Variants in SPIDR observed in about 807,000 individuals in gnomAD.
SPIDR encodes scaffold protein involved in DNA repair, also known as DNA repair-scaffolding protein.
A neutral mutation model predicts 104.6 loss-of-function variants in SPIDR; 93 were observed. That is an observed-to-expected ratio of 0.89 (90% CI 0.75 to 1.06). The LOEUF (loss-of-function observed/expected upper bound fraction) is 1.06. SPIDR is among the 50% of genes least tolerant of loss of function. The probability of loss-of-function intolerance (pLI) is 0.00; values close to 1 mark genes in which losing one functional copy is unlikely to be tolerated. For synonymous variants in SPIDR, 431 were observed against 416.9 expected (o/e 1.03, Z -0.41); for missense variants, 1,154 against 1,111.2 (o/e 1.04, Z -0.55).
intron 11 of SPIDR, among the ~76,000 whole-genome samples, chr8:47,690,420 G>A (rs1194744969): frequency 6.6e-6 from 1 of 150,860 alleles, no homozygotes; most frequent in Non-Finnish European, 1.5e-5. Flanking sequence ...TGAGTCAAGA[G>A]TTGATTAGGA....
At chr8:47,435,493 C>T (rs534748370) in intron 7 of SPIDR, among the ~76,000 whole-genome samples, 1 of 152,316 alleles carries the variant, frequency 6.6e-6, no homozygotes, top group East Asian at 1.9e-4. Flanking sequence ...TATGTTTCAT[C>T]TGCTAGGCAT....
At chr8:47,712,290 A>G (rs1376389865) in intron 14 of SPIDR, among the ~76,000 whole-genome samples, 1 of 152,266 alleles carries the variant, frequency 6.6e-6, no homozygotes, top group Non-Finnish European at 1.5e-5. Context: ...CAGGAAACTT[A>G]CAACTGGCTG....
intron 10 of SPIDR, among the ~76,000 whole-genome samples, chr8:47,663,420 C>T (rs1007600699): frequency 2.0e-5 from 3 of 152,224 alleles, no homozygotes; most frequent in Admixed American, 1.3e-4. Flanking sequence ...AGGGCCTATC[C>T]AGGAGGCAGT....
At chr8:47,710,055 T>G (rs1047621499) in intron 14 of SPIDR, among the ~76,000 whole-genome samples, 2 of 152,010 alleles carry the variant, frequency 1.3e-5, no homozygotes, top group African/African-American at 4.8e-5. Context: ...TTTTTATATT[T>G]TTAGTAGAGA....
At chr8:47,599,316 T>C in intron 10 of SPIDR, 120 bp downstream of exon 10, 1 of 1,363,390 alleles carries the variant, frequency 7.3e-7, no homozygotes, top group Non-Finnish European at 9.8e-7. Context: ...ACGTGAGCTG[T>C]TTTTGTTTTT....
At position 47,728,939 on chromosome 8, in the gene SPIDR, C is replaced by A; in HGVS notation, c.2442C>A (p.Ala814=). 1 of 1,609,676 alleles carries A rather than the reference C, an allele frequency of 6.2e-7. No homozygotes were observed. The change falls in exon 18 of 20, where the codon GCC becomes GCA. Residue 814 remains alanine (A), a synonymous_variant. Transcript: ENST00000297423. ...TTGGCTTTTCATATACCAGAGGCGC[C>A]TTTTCCTGTGGGGACTGCTCCCGGG... ...RLEQRPEDRG[A]FSCGDCSRVV...
intron 5 of SPIDR, among the ~76,000 whole-genome samples, chr8:47,330,028 A>C (rs1554603543): frequency 6.6e-6 from 1 of 152,230 alleles, no homozygotes; most frequent in Non-Finnish European, 1.5e-5. Flanking sequence ...ACTGACACCC[A>C]GATTTTTCAT....
intron 8 of SPIDR, among the ~76,000 whole-genome samples, chr8:47,501,236 C>T (rs1210783484): frequency 7.2e-5 from 11 of 152,092 alleles, no homozygotes; most frequent in African/African-American, 2.2e-4. Flanking sequence ...CCTTGGGCAT[C>T]ATGGCCATTT....
At chr8:47,326,635 T>G (rs2047708319) in intron 5 of SPIDR, among the ~76,000 whole-genome samples, 1 of 152,250 alleles carries the variant, frequency 6.6e-6, no homozygotes, top group African/African-American at 2.4e-5. Flanking sequence ...ATCTCAGTCC[T>G]TGGTAACACC....
At chr8:47,703,409 T>C (rs965929443) in intron 14 of SPIDR, among the ~76,000 whole-genome samples, 1 of 152,216 alleles carries the variant, frequency 6.6e-6, no homozygotes, top group Non-Finnish European at 1.5e-5. Flanking sequence ...ATCACAAGCA[T>C]GTTAAATCAA....
At chr8:47,676,129 A>G (rs1008460476) in intron 11 of SPIDR, among the ~76,000 whole-genome samples, 1 of 152,218 alleles carries the variant, frequency 6.6e-6, no homozygotes, top group Admixed American at 6.5e-5. Flanking sequence ...ATTCTTCTTT[A>G]TAGCCATACA....
In SPIDR at chr8:47,427,911, T is replaced by C. The variant is rs138261048; in HGVS notation, c.878-12412T>C. Among the ~76,000 whole-genome samples the C allele has an allele frequency of 4.2e-3, 634 of 152,158 alleles. 5 individuals are homozygous for C. Among genetic ancestry groups the C allele is most frequent in the African/African-American group, 0.014 (600 of 41,530 alleles). ...GAAGAATGAAAGTTGGGGTCGGCGA[T>C]TTCTTTTTTCTTTTTTTCTTTTTGT... On this transcript the variant is annotated intron_variant, in intron 7 of 19. Coordinates refer to ENST00000297423, the MANE Select transcript of SPIDR (RefSeq NM_001080394.4).
At chr8:47,277,427 G>A (rs1010225463) in intron 1 of SPIDR, among the ~76,000 whole-genome samples, 3 of 151,686 alleles carry the variant, frequency 2.0e-5, no homozygotes, top group South Asian at 4.1e-4. Context: ...GAACTGTGGC[G>A]TGATTATAGC....
intron 8 of SPIDR, among the ~76,000 whole-genome samples, chr8:47,585,582 A>G (rs2060173735): frequency 6.6e-6 from 1 of 152,138 alleles, no homozygotes; most frequent in Non-Finnish European, 1.5e-5. Context: ...ATAACAGAAT[A>G]CCTGAAACTG....
intron 8 of SPIDR, among the ~76,000 whole-genome samples, chr8:47,503,309 G>A (rs565455502): frequency 6.6e-5 from 10 of 152,110 alleles, no homozygotes; most frequent in African/African-American, 2.2e-4. Context: ...TGCTTTATGA[G>A]TCTGGGTGCT....
rs182241503 is a variant in SPIDR at position 47,403,883 on chromosome 8, G to A, written c.777-3978G>A. On this transcript the variant is annotated intron_variant, in intron 6 of 19. Transcript: ENST00000297423. ...AGTTCATATGGAACCAAAAAGAGCC[G>A]CATTGCCAAGACAATCCTAAGCCAA... 1.2e-4 allele frequency among the ~76,000 whole-genome samples: 19 copies of A among 152,104 alleles called. No individual in the cohort carries two copies. In the South Asian group the frequency reaches 2.1e-3, roughly 17 times the overall value.
chr8:47,408,005 T>C, intron 7 of SPIDR, 44 bp downstream of exon 7: 2 of 1,084,396 alleles, frequency 1.8e-6, no homozygotes, highest in Non-Finnish European at 1.3e-6. Flanking sequence ...AAAAAAATAT[T>C]TTAGTTAAAA....
In SPIDR at chr8:47,625,260, G is replaced by A. The variant is rs545627363; in HGVS notation, c.1544+26064G>A. Among the ~76,000 whole-genome samples the A allele has an allele frequency of 4.6e-5, 7 of 152,224 alleles. No individual in the cohort carries two copies. The East Asian group carries it at 9.6e-4, about 21-fold the overall frequency. ...CTCAAAATAATAAGAGCTATCTATG[G>A]CAAACCCACAGCCAATATCATACTG... is the stretch of plus-strand genomic sequence containing the variant. On this transcript the variant is annotated intron_variant, in intron 10 of 19. Transcript: ENST00000297423.
intron 5 of SPIDR, among the ~76,000 whole-genome samples, chr8:47,299,973 G>A (rs376860111): frequency 2.6e-5 from 4 of 152,196 alleles, no homozygotes; most frequent in African/African-American, 7.2e-5. Context: ...CATAAAATGC[G>A]TTAGGGAGGA....
Sources: allele counts gnomAD v4.1 joint callset (sites outside exome capture counted in the v4.1 genomes callset), GRCh38; gene constraint gnomAD v4.1.1; transcripts MANE v1.5; gene names NCBI Gene and HGNC (gene_info 2026-07-23, HGNC 2026-07-21).